Variants in RAD51B observed in about 807,000 individuals in gnomAD.
RAD51B encodes the protein DNA repair protein RAD51 homolog 2.
A neutral mutation model predicts 42.2 loss-of-function variants in RAD51B; 38 were observed. The ratio of observed to expected loss-of-function variants is 0.90; its 90% CI spans 0.70 to 1.18. The LOEUF is 1.18. RAD51B is among the 50% of genes most tolerant of loss of function. RAD51B has a pLI of 0.00. For missense variants in RAD51B, 373 were observed against 400.7 expected, an observed-to-expected ratio of 0.93 and a Z score of 0.59; for synonymous variants, 154 against 145.2, an observed-to-expected ratio of 1.06 and a Z score of -0.43.
intron 5 of RAD51B, among the ~76,000 whole-genome samples, chr14:67,867,432 C>T (rs7151091): frequency 0.41 from 62,028 of 151,984 alleles, 13,708 homozygotes; most frequent in African/African-American, 0.55. Flanking sequence ...TTTCAGACAT[C>T]GGATTCATTC....
rs544241665 is a variant in RAD51B, at chr14:68,655,935, C to T, written c.*11+5079C>T. 1.4e-4 allele frequency among the ~76,000 whole-genome samples: 22 copies of T among 152,346 alleles called. No individual in the cohort carries two copies. In the East Asian group the frequency reaches 4.1e-3, roughly 28 times the overall value. ...AGACAAGTAACTGCCTCACAGCAGA[C>T]AGGAACCAGGTGACACTGCTGTCCC... On this transcript the variant is annotated intron_variant, in intron 11 of 11. Transcript: ENST00000488612.
chr14:67,860,265 T>G (rs1390512353), intron 4 of RAD51B, among the ~76,000 whole-genome samples: 4 of 152,220 alleles, frequency 2.6e-5, no homozygotes, highest in Non-Finnish European at 5.9e-5. Context: ...AAGGCTCAGA[T>G]TATCATAGTA....
Position 68,477,774 on chromosome 14 carries a change from G to A in RAD51B, c.*110G>A. On this transcript the variant is annotated 3_prime_UTR_variant, in exon 11 of 11. Coordinates refer to ENST00000471583, the MANE Select transcript of RAD51B (RefSeq NM_133510.4). ...AAGCTGACATAATGGGGATTAATTA[G>A]TTGATTGCTGTTGAGATGGTAACAG... The A allele has an allele frequency of 6.5e-7, 1 of 1,548,166 alleles. No homozygotes were observed. The highest frequency in any genetic ancestry group is 8.7e-7 in the Non-Finnish European group (1 of 1,152,350).
chr14:67,909,173 G>A (rs1035863526), intron 7 of RAD51B, among the ~76,000 whole-genome samples: 38 of 152,164 alleles, frequency 2.5e-4, no homozygotes, highest in Admixed American at 2.2e-3. Flanking sequence ...GAGTCGTGAA[G>A]CCATAAAGTT....
At chr14:67,916,548 A>ATT (rs112376277) in intron 7 of RAD51B, among the ~76,000 whole-genome samples, 2 of 147,498 alleles carry the variant, frequency 1.4e-5, no homozygotes, top group African/African-American at 4.9e-5. Flanking sequence ...TGACAGTAAT[A>ATT]TTTTTTTTTT....
chr14:68,333,005 A>G (rs1464719748), intron 8 of RAD51B, among the ~76,000 whole-genome samples: 1 of 152,196 alleles, frequency 6.6e-6, no homozygotes, highest in East Asian at 1.9e-4. Context: ...GGATAGGTAG[A>G]TGAAAGAGAA....
intron 10 of RAD51B, among the ~76,000 whole-genome samples, chr14:68,616,670 A>G (rs185321800): frequency 5.2e-4 from 79 of 152,226 alleles, no homozygotes; most frequent in African/African-American, 1.8e-3. Context: ...GATTTTTGTC[A>G]AAAATTTGTT....
At chr14:68,502,333 C>T (rs762544708) in intron 10 of RAD51B, among the ~76,000 whole-genome samples, 17 of 152,262 alleles carry the variant, frequency 1.1e-4, no homozygotes, top group South Asian at 4.1e-4. Flanking sequence ...TCAGCCCCTA[C>T]GAAAACTGAT....
At chr14:68,464,661 C>T (rs1239525744) in intron 9 of RAD51B, among the ~76,000 whole-genome samples, 1 of 152,224 alleles carries the variant, frequency 6.6e-6, no homozygotes, top group East Asian at 1.9e-4. Flanking sequence ...CCCAGCTCAA[C>T]TTATCTTCAC....
At chr14:67,945,527 G>C (rs762670238) in intron 7 of RAD51B, among the ~76,000 whole-genome samples, 1 of 152,090 alleles carries the variant, frequency 6.6e-6, no homozygotes, top group African/African-American at 2.4e-5. Flanking sequence ...TTGCTTTGTC[G>C]CCCAGACTGG....
At chr14:68,370,306 G>A (rs528098735) in intron 8 of RAD51B, among the ~76,000 whole-genome samples, 1 of 152,318 alleles carries the variant, frequency 6.6e-6, no homozygotes, top group South Asian at 2.1e-4. Flanking sequence ...AAGGGCAACT[G>A]ATCCAATAAT....
intron 7 of RAD51B, among the ~76,000 whole-genome samples, chr14:67,934,593 TG>T (rs1309658177): frequency 2.0e-5 from 3 of 152,232 alleles, no homozygotes; most frequent in Non-Finnish European, 4.4e-5. Flanking sequence ...CTTAAAATCT[TG>T]ACCCCCTTCC....
intron 9 of RAD51B, among the ~76,000 whole-genome samples, chr14:68,413,780 T>C (rs1594801675): frequency 6.6e-6 from 1 of 152,202 alleles, no homozygotes; most frequent in South Asian, 2.1e-4. Flanking sequence ...CATAAAACAG[T>C]ACTTTAAAGC....
intron 7 of RAD51B, among the ~76,000 whole-genome samples, chr14:68,087,885 TATATAATATATTATTTATATAATTATATA>T (rs1566634202): frequency 6.1e-5 from 5 of 81,592 alleles, no homozygotes; most frequent in Non-Finnish European, 1.1e-4. Context: ...TTTATATAAT[TATATAATATATTATTTATATAATTATATA>T]ATATATTATA....
At chr14:67,879,176 C>CTG (rs1555409679) in intron 5 of RAD51B, among the ~76,000 whole-genome samples, 2 of 152,190 alleles carry the variant, frequency 1.3e-5, no homozygotes, top group African/African-American at 4.8e-5. Context: ...AACTCTCAGG[C>CTG]AAGGGCCTAA....
At chr14:68,221,295 A>G (rs1274748139) in intron 7 of RAD51B, among the ~76,000 whole-genome samples, 2 of 152,200 alleles carry the variant, frequency 1.3e-5, no homozygotes, top group Non-Finnish European at 2.9e-5. Context: ...ACTTCAAACT[A>G]TAAGGGCATA....
At chr14:68,063,058 A>G (rs1478900453) in intron 7 of RAD51B, among the ~76,000 whole-genome samples, 1 of 151,904 alleles carries the variant, frequency 6.6e-6, no homozygotes, top group Non-Finnish European at 1.5e-5. Flanking sequence ...TCTAATAATC[A>G]TTTACATTTC....
At chr14:68,308,581 T>C (rs1179729964) in intron 8 of RAD51B, among the ~76,000 whole-genome samples, 1 of 151,962 alleles carries the variant, frequency 6.6e-6, no homozygotes, top group South Asian at 2.1e-4. Context: ...TATAAAATTA[T>C]TTAAGAAACA....
At chr14:68,098,426 A>T (rs1352999848) in intron 7 of RAD51B, among the ~76,000 whole-genome samples, 3 of 152,190 alleles carry the variant, frequency 2.0e-5, no homozygotes, top group African/African-American at 7.2e-5. Context: ...ATCCAGTTTC[A>T]CTCTGCTGAT....
Sources: gnomAD v4.1 joint callset for allele counts (sites outside exome capture counted in the v4.1 genomes callset) on GRCh38, gnomAD v4.1.1 for gene constraint, MANE v1.5 for transcripts, NCBI Gene and HGNC (gene_info 2026-07-23, HGNC 2026-07-21) for gene names.